Variants in GRM5 observed in about 807,000 individuals in gnomAD.
The protein encoded by GRM5 is glutamate metabotropic receptor 5.
A neutral mutation model predicts 83.1 loss-of-function variants in GRM5; 19 were observed. That is an observed-to-expected ratio of 0.23 (90% CI 0.16 to 0.34). The LOEUF is 0.34. GRM5 is among the 10% of genes least tolerant of loss of function. The probability of loss-of-function intolerance (pLI) is 1.00; values close to 1 mark genes in which losing one functional copy is unlikely to be tolerated. For synonymous variants in GRM5, 675 were observed against 633.6 expected, an observed-to-expected ratio of 1.07 and a Z score of -0.98; for missense variants, 1,160 against 1,588.3, an observed-to-expected ratio of 0.73 and a Z score of 4.58.
chr11:88,588,741 G>GACTT (rs1937594362), intron 7 of GRM5, among the ~76,000 whole-genome samples: 1 of 151,732 alleles, frequency 6.6e-6, no homozygotes, highest in South Asian at 2.1e-4. Flanking sequence ...CCTGTTCTTT[G>GACTT]ACTTCATATA....
At chr11:88,610,188 T>C (rs567077097) in intron 4 of GRM5, among the ~76,000 whole-genome samples, 2 of 152,274 alleles carry the variant, frequency 1.3e-5, no homozygotes, top group East Asian at 3.9e-4. Flanking sequence ...CTTTGTTCTT[T>C]TTGCTTGATT....
intron 8 of GRM5, among the ~76,000 whole-genome samples, chr11:88,554,327 C>CTGGA (rs1370036805): frequency 6.6e-6 from 1 of 152,104 alleles, no homozygotes; most frequent in Non-Finnish European, 1.5e-5. Flanking sequence ...ATTGGGCCCA[C>CTGGA]TGGATAATCC....
At chr11:88,853,945 T>C (rs1403220535) in intron 2 of GRM5, among the ~76,000 whole-genome samples, 1 of 151,394 alleles carries the variant, frequency 6.6e-6, no homozygotes, top group Non-Finnish European at 1.5e-5. Context: ...TAATCACCCC[T>C]ACCCCTGGCT....
At chr11:88,746,657 C>T (rs1942151525) in intron 3 of GRM5, among the ~76,000 whole-genome samples, 1 of 151,934 alleles carries the variant, frequency 6.6e-6, no homozygotes, top group Admixed American at 6.6e-5. Context: ...ATACTAACTG[C>T]TTATTAAATG....
At chr11:88,797,495 A>T (rs1231079971) in intron 3 of GRM5, among the ~76,000 whole-genome samples, 2 of 152,222 alleles carry the variant, frequency 1.3e-5, no homozygotes, top group Admixed American at 6.5e-5. Context: ...AAAATGCCAG[A>T]TATAATAAGC....
intron 2 of GRM5, among the ~76,000 whole-genome samples, chr11:89,029,197 A>T (rs1941202284): frequency 6.6e-6 from 1 of 152,182 alleles, no homozygotes; most frequent in South Asian, 2.1e-4. Context: ...GCATTTTTCT[A>T]ACCAAAACAT....
At chr11:88,876,126 T>C (rs1320585819) in intron 2 of GRM5, among the ~76,000 whole-genome samples, 3 of 152,162 alleles carry the variant, frequency 2.0e-5, no homozygotes, top group South Asian at 2.1e-4. Flanking sequence ...TTTGTCTACA[T>C]TGAAACTGTA....
intron 2 of GRM5, among the ~76,000 whole-genome samples, chr11:88,928,907 T>TATATATATATATACACACACAC (rs369951090): frequency 7.2e-6 from 1 of 138,674 alleles, no homozygotes. Context: ...TATGTGTATA[T>TATATATATATATACACACACAC]ACACACACAC....
At chr11:88,572,105 C>T (rs953461144) in intron 7 of GRM5, among the ~76,000 whole-genome samples, 2 of 152,140 alleles carry the variant, frequency 1.3e-5, no homozygotes, top group African/African-American at 4.8e-5. Flanking sequence ...ATATCTAGCT[C>T]CAGTTTGAGC....
At chr11:88,614,201 T>TA (rs768389061) in intron 4 of GRM5, among the ~76,000 whole-genome samples, 5 of 152,172 alleles carry the variant, frequency 3.3e-5, no homozygotes, top group Non-Finnish European at 5.9e-5. Context: ...TGAATCCTGT[T>TA]ATGTGTCTTC....
At chr11:88,614,820 G>A (rs554938333) in intron 4 of GRM5, among the ~76,000 whole-genome samples, 6 of 152,120 alleles carry the variant, frequency 3.9e-5, no homozygotes, top group East Asian at 1.9e-4. Flanking sequence ...TCACTCAGGC[G>A]GTAAAAATCA....
intron 9 of GRM5, among the ~76,000 whole-genome samples, chr11:88,518,759 G>C (rs1330141426): frequency 2.0e-5 from 3 of 151,652 alleles, no homozygotes; most frequent in Admixed American, 6.6e-5. Context: ...GCTCTTGCAG[G>C]TTCCATCAGA....
intron 2 of GRM5, among the ~76,000 whole-genome samples, chr11:88,853,547 A>G (rs1054885712): frequency 6.6e-6 from 1 of 151,800 alleles, no homozygotes; most frequent in African/African-American, 2.4e-5. Flanking sequence ...GGTAAGAGAT[A>G]ATGTCTATAG....
intron 2 of GRM5, among the ~76,000 whole-genome samples, chr11:88,887,144 A>T (rs1945058046): frequency 6.6e-6 from 1 of 152,146 alleles, no homozygotes; most frequent in African/African-American, 2.4e-5. Flanking sequence ...AGCTTCAACA[A>T]TTAGGATTAA....
chr11:88,722,500 G>A (rs1941569759), intron 3 of GRM5, among the ~76,000 whole-genome samples: 1 of 152,130 alleles, frequency 6.6e-6, no homozygotes, highest in South Asian at 2.1e-4. Flanking sequence ...GCCATAACAT[G>A]CAGAAATCTC....
At chr11:88,892,418 T>G (rs779509863) in intron 2 of GRM5, among the ~76,000 whole-genome samples, 1 of 151,948 alleles carries the variant, frequency 6.6e-6, no homozygotes, top group African/African-American at 2.4e-5. Flanking sequence ...TGTAAAGTAT[T>G]TGGGGATAAA....
chr11:88,769,741 G>C (rs1360583986), intron 3 of GRM5, among the ~76,000 whole-genome samples: 1 of 152,058 alleles, frequency 6.6e-6, no homozygotes, highest in Non-Finnish European at 1.5e-5. Context: ...TGCAAGTCCA[G>C]ACTGATGTGA....
intron 7 of GRM5, among the ~76,000 whole-genome samples, chr11:88,581,202 CATCT>C (rs1370785290): frequency 6.6e-5 from 10 of 152,112 alleles, no homozygotes; most frequent in Non-Finnish European, 1.0e-4. Flanking sequence ...TAAATCAATC[CATCT>C]ATCTCTCTAT....
At chr11:88,910,391 TTGAG>T (rs1750576069) in intron 2 of GRM5, among the ~76,000 whole-genome samples, 1 of 152,126 alleles carries the variant, frequency 6.6e-6, no homozygotes, top group Non-Finnish European at 1.5e-5. Flanking sequence ...AAATATTTGT[TTGAG>T]TTTCTGTTCT....
Sources: allele counts gnomAD v4.1 joint callset (sites outside exome capture counted in the v4.1 genomes callset), GRCh38; gene constraint gnomAD v4.1.1; transcripts MANE v1.5; gene names NCBI Gene and HGNC (gene_info 2026-07-23, HGNC 2026-07-21).